ASAP1: variants seen among roughly 807,000 people sequenced by gnomAD.
ASAP1 encodes ArfGAP with SH3 domain, ankyrin repeat and PH domain 1, also known as arf-GAP with SH3 domain, ANK repeat and PH domain-containing protein 1.
ASAP1 carries 43 observed loss-of-function variants against 145.2 expected under a neutral mutation model. The ratio of observed to expected loss-of-function variants is 0.30; its 90% CI spans 0.23 to 0.38. The LOEUF (loss-of-function observed/expected upper bound fraction) is 0.38. Ranked by LOEUF, ASAP1 falls within the 10% of genes least tolerant of loss-of-function variation. ASAP1 has a pLI of 1.00. For missense variants in ASAP1, 1,018 were observed against 1,355.3 expected (o/e 0.75, Z 3.91); for synonymous variants, 546 against 515.5 (o/e 1.06, Z -0.80).
intron 2 of ASAP1, among the ~76,000 whole-genome samples, chr8:130,389,569 C>A (rs140790609): frequency 6.6e-6 from 1 of 152,174 alleles, no homozygotes; most frequent in African/African-American, 2.4e-5. Context: ...CCAAGAAACC[C>A]CAGTTCCTTC....
At chr8:130,060,471 G>C in intron 28 of ASAP1, 108 bp downstream of exon 28, 1 of 1,427,324 alleles carries the variant, frequency 7.0e-7, no homozygotes, top group Non-Finnish European at 9.5e-7. Context: ...ATAAGGGTCA[G>C]GTGAGCAAGC....
intron 3 of ASAP1, among the ~76,000 whole-genome samples, chr8:130,281,992 G>A (rs1029082543): frequency 1.3e-4 from 19 of 151,734 alleles, no homozygotes; most frequent in African/African-American, 3.6e-4. Context: ...ACTTGAACCC[G>A]GGAGGTGGAG....
intron 3 of ASAP1, among the ~76,000 whole-genome samples, chr8:130,300,789 C>A (rs2137420511): frequency 6.6e-6 from 1 of 152,228 alleles, no homozygotes; most frequent in East Asian, 1.9e-4. Flanking sequence ...CAGCACTGGG[C>A]TGGCTTCCTT....
intron 3 of ASAP1, among the ~76,000 whole-genome samples, chr8:130,331,021 G>A (rs1229333869): frequency 2.0e-5 from 3 of 152,076 alleles, no homozygotes; most frequent in Admixed American, 1.3e-4. Flanking sequence ...GGCCAGACCA[G>A]CCTTTCCAAT....
At chr8:130,380,011 T>A (rs1164978423) in intron 2 of ASAP1, among the ~76,000 whole-genome samples, 1 of 152,138 alleles carries the variant, frequency 6.6e-6, no homozygotes, top group Non-Finnish European at 1.5e-5. Context: ...CCCCTGACAG[T>A]GGGCAGCTAG....
At chr8:130,073,201 C>T (rs1163447288) in intron 27 of ASAP1, among the ~76,000 whole-genome samples, 1 of 151,492 alleles carries the variant, frequency 6.6e-6, no homozygotes, top group Non-Finnish European at 1.5e-5. Context: ...ACCAGCCTGA[C>T]CAACACGGAG....
At chr8:130,247,270 G>A (rs933455443) in intron 3 of ASAP1, among the ~76,000 whole-genome samples, 6 of 152,092 alleles carry the variant, frequency 3.9e-5, no homozygotes, top group African/African-American at 1.4e-4. Context: ...TATTGATGAT[G>A]ATAAAATGAC....
chr8:130,427,361 A>C (rs555593106), intron 1 of ASAP1, among the ~76,000 whole-genome samples: 1 of 152,270 alleles, frequency 6.6e-6, no homozygotes, highest in South Asian at 2.1e-4. Flanking sequence ...TATGAAATGC[A>C]AGCCCTTCCA....
chr8:130,145,069 A>G (rs1340918385), intron 13 of ASAP1, among the ~76,000 whole-genome samples: 1 of 152,178 alleles, frequency 6.6e-6, no homozygotes, highest in Non-Finnish European at 1.5e-5. Flanking sequence ...AGGTTACTGC[A>G]CCCAATGAAT....
At chr8:130,349,291 C>A (rs1825863588) in intron 3 of ASAP1, among the ~76,000 whole-genome samples, 1 of 152,230 alleles carries the variant, frequency 6.6e-6, no homozygotes, top group Non-Finnish European at 1.5e-5. Flanking sequence ...GTATACACAT[C>A]TGACTTCATT....
At chr8:130,343,419 T>C (rs994023876) in intron 3 of ASAP1, among the ~76,000 whole-genome samples, 3 of 152,196 alleles carry the variant, frequency 2.0e-5, no homozygotes, top group African/African-American at 7.2e-5. Flanking sequence ...ATGTAACTTA[T>C]AATGCACCAA....
chr8:130,142,734 G>T (rs1344679416), intron 13 of ASAP1, among the ~76,000 whole-genome samples: 3 of 152,180 alleles, frequency 2.0e-5, no homozygotes, highest in African/African-American at 7.2e-5. Context: ...GCATAGGAGG[G>T]GACAAGCTGC....
At chr8:130,063,880 C>T (rs1592717814) in intron 27 of ASAP1, among the ~76,000 whole-genome samples, 1 of 152,150 alleles carries the variant, frequency 6.6e-6, no homozygotes, top group South Asian at 2.1e-4. Context: ...TGGGAGCTCA[C>T]ATTCCACGAG....
At chr8:130,257,955 T>C (rs148172568) in intron 3 of ASAP1, among the ~76,000 whole-genome samples, 1 of 152,298 alleles carries the variant, frequency 6.6e-6, no homozygotes, top group Non-Finnish European at 1.5e-5. Context: ...GTGTTTTACA[T>C]GGCCTGTATA....
At chr8:130,188,920 T>C (rs542709094) in intron 5 of ASAP1, among the ~76,000 whole-genome samples, 1 of 152,232 alleles carries the variant, frequency 6.6e-6, no homozygotes, top group South Asian at 2.1e-4. Flanking sequence ...ACTGCTTCTG[T>C]CAGAGTAAGG....
chr8:130,116,877 T>C lies in ASAP1; in HGVS notation c.1996+3A>G. The C allele has an allele frequency of 6.2e-7, 1 of 1,610,880 alleles. No individual in the cohort carries two copies. The highest frequency in any genetic ancestry group is 8.5e-7 in the Non-Finnish European group (1 of 1,177,172). ...GTCATGAAGACACTAGACACACTCT[T>C]ACCTATATCCACAGTGGGCTTGCTC... On this transcript the variant is annotated splice_donor_region_variant and intron_variant, in intron 21 of 29. Transcript: ENST00000518721.
At chr8:130,166,022 T>C (rs193298454) in intron 11 of ASAP1, among the ~76,000 whole-genome samples, 32 of 152,232 alleles carry the variant, frequency 2.1e-4, no homozygotes, top group Middle Eastern at 3.4e-3. Flanking sequence ...TCTTCATTTT[T>C]TGTTTGTTTG....
At chr8:130,235,262 C>T (rs1818147080) in intron 4 of ASAP1, among the ~76,000 whole-genome samples, 1 of 152,064 alleles carries the variant, frequency 6.6e-6, no homozygotes, top group Non-Finnish European at 1.5e-5. Flanking sequence ...AAATCACAAT[C>T]AAGGCTTCAG....
chr8:130,262,633 C>CT (rs1820007552), intron 3 of ASAP1, among the ~76,000 whole-genome samples: 1 of 152,224 alleles, frequency 6.6e-6, no homozygotes, highest in Admixed American at 6.5e-5. Flanking sequence ...GAACCCCTTA[C>CT]TTTCCATGAT....
Sources: gnomAD v4.1 joint callset for allele counts (sites outside exome capture counted in the v4.1 genomes callset) on GRCh38, gnomAD v4.1.1 for gene constraint, MANE v1.5 for transcripts, NCBI Gene and HGNC (gene_info 2026-07-23, HGNC 2026-07-21) for gene names.